Variants in MLLT1 observed in about 807,000 individuals in gnomAD.
MLLT1 encodes MLLT1 super elongation complex subunit.
A neutral mutation model predicts 55.1 loss-of-function variants in MLLT1; 11 were observed. The observed-to-expected ratio is 0.20, with a 90% CI of 0.13 to 0.33. MLLT1 has a LOEUF of 0.33. MLLT1 is among the 10% of genes least tolerant of loss of function. The pLI is 1.00. For missense variants in MLLT1, 536 were observed against 760.6 expected (o/e 0.70, Z 3.47); for synonymous variants, 323 against 320.1 (o/e 1.01, Z -0.10).
rs2091053241 is a variant in MLLT1 at position 6,235,623 on chromosome 19, T to C, written c.277-4910A>G. 6.6e-6 allele frequency among the ~76,000 whole-genome samples: 1 copy of C among 152,098 alleles called. No individual in the cohort carries two copies. The highest frequency in any genetic ancestry group is 1.5e-5 in the Non-Finnish European group (1 of 67,980). ...CACTCCTGGCCACAGCTGTGCACCC[T>C]GGCTGCACAGCGAGTCCAGCCGCTT... On this transcript the variant is annotated intron_variant, in intron 3 of 11. Transcript: ENST00000252674. The surrounding 1 kb of genome is among the most constrained non-coding windows in gnomAD (Gnocchi z 5.5).
chr19:6,275,137 C>T (rs574859666), intron 1 of MLLT1, among the ~76,000 whole-genome samples: 8 of 152,264 alleles, frequency 5.3e-5, no homozygotes, highest in Non-Finnish European at 4.4e-5. Flanking sequence ...TCTTCAACAA[C>T]CAGTTCATCT....
At chr19:6,247,033 C>T (rs998140072) in intron 3 of MLLT1, among the ~76,000 whole-genome samples, 3 of 152,164 alleles carry the variant, frequency 2.0e-5, no homozygotes, top group African/African-American at 7.2e-5. Context: ...GTACAGATAT[C>T]GGGAGCCAGG....
chr19:6,268,589 T>G (rs965443868), intron 2 of MLLT1, among the ~76,000 whole-genome samples: 1 of 152,206 alleles, frequency 6.6e-6, no homozygotes, highest in Non-Finnish European at 1.5e-5. Flanking sequence ...ATCCAGAGGC[T>G]GGAGTGCTCT....
chr19:6,211,507 A>C lies in MLLT1; in HGVS notation c.*1535T>G. Reference sequence around the variant, plus strand: ...GAGCAGGGACAAGATGAGGGACCTCAGGGAGGGACAGATGGAGCCCCCCAA... The same window carrying C: ...GAGCAGGGACAAGATGAGGGACCTCCGGGAGGGACAGATGGAGCCCCCCAA... On this transcript the variant is annotated 3_prime_UTR_variant, in exon 12 of 12. Coordinates refer to ENST00000252674, the MANE Select transcript of MLLT1 (RefSeq NM_005934.4). The surrounding 1 kb of genome is among the most constrained non-coding windows in gnomAD (Gnocchi z 4.6). 1.5e-6 allele frequency: 1 copy of C among 667,354 alleles called. No homozygotes were observed. Among genetic ancestry groups the C allele is most frequent in the Non-Finnish European group, 1.9e-6 (1 of 515,590 alleles). The allele number at this position is 667,354 out of a possible 1,614,324, so 41.3% of individuals were successfully genotyped here.
At position 6,213,414 on chromosome 19, in the gene MLLT1, GA is replaced by G. The variant is rs763317385; in HGVS notation, c.1480-7del. 1,223 of 1,609,936 alleles carry G rather than the reference GA, an allele frequency of 7.6e-4. No homozygotes were observed. The highest frequency in any genetic ancestry group is 9.1e-4 in the Non-Finnish European group (1,071 of 1,179,000). ...ACCAGCTCATCCGTGTAGGCCTGGG[GA>G]GGGGGGGCAGGTCTCAGCAGCGTGT... On this transcript the variant is annotated splice_polypyrimidine_tract_variant and splice_region_variant and intron_variant, in intron 10 of 11. Transcript: ENST00000252674.
intron 3 of MLLT1, among the ~76,000 whole-genome samples, chr19:6,236,750 C>A (rs1015312989): frequency 1.3e-5 from 2 of 152,328 alleles, no homozygotes; most frequent in East Asian, 3.9e-4. Flanking sequence ...GGAAACCAGC[C>A]TCCTGGGAGA....
intron 8 of MLLT1, among the ~76,000 whole-genome samples, chr19:6,215,017 G>A (rs987954054): frequency 3.3e-5 from 5 of 152,170 alleles, no homozygotes; most frequent in South Asian, 2.1e-4. Context: ...TTGCCCAGGC[G>A]ACGCCCCTGC....
intron 7 of MLLT1, 148 bp from the exon 8 acceptor site, chr19:6,216,661 A>C: frequency 1.7e-6 from 1 of 600,060 alleles, no homozygotes; most frequent in Non-Finnish European, 2.9e-6. Context: ...CCCTGTGCCC[A>C]TCTCTAAGAA....
Position 6,278,447 on chromosome 19 carries a change from A to G in MLLT1, c.12+1326T>C, listed in dbSNP as rs1056868470. 1.7e-3 allele frequency among the ~76,000 whole-genome samples: 171 copies of G among 99,642 alleles called. 1 individual carries two copies. Among genetic ancestry groups the G allele is most frequent in the Admixed American group, 3.9e-3 (40 of 10,236 alleles). The allele number at this position is 99,642 out of a possible 152,430, so 65.4% of individuals were successfully genotyped here. On this transcript the variant is annotated intron_variant, in intron 1 of 11. Coordinates refer to ENST00000252674, the MANE Select transcript of MLLT1 (RefSeq NM_005934.4). ...TTTAGGGAGGTTGGGGAACCCACCCACCCACCCTGGGTTTCAACTGAGGCT... is the reference window on the plus strand; with the variant it reads ...TTTAGGGAGGTTGGGGAACCCACCCGCCCACCCTGGGTTTCAACTGAGGCT...
At position 6,219,872 on chromosome 19, in the gene MLLT1, C is replaced by T. The variant is rs180727691; in HGVS notation, c.1111-1831G>A. Among the ~76,000 whole-genome samples the T allele has an allele frequency of 1.1e-4, 16 of 152,352 alleles. No individual in the cohort carries two copies. The highest frequency in any genetic ancestry group is 2.1e-4 in the South Asian group (1 of 4,832). ...GACAGAGGAAAGCCAGTCAGGCACA[C>T]GCATCCCCTTTCCTTCCGCCCAAAT... On this transcript the variant is annotated intron_variant, in intron 6 of 11. Coordinates refer to ENST00000252674, the MANE Select transcript of MLLT1 (RefSeq NM_005934.4). This position sits in a 1 kb window ranked among gnomAD's most constrained non-coding sequence, Gnocchi z 4.5.
Position 6,222,342 on chromosome 19 carries a change from C to T in MLLT1, c.889G>A (p.Ala297Thr), listed in dbSNP as rs11880101. 60,113 of 1,527,036 alleles carry T rather than the reference C, an allele frequency of 0.039. 1,293 individuals are homozygous for T. The highest frequency in any genetic ancestry group is 0.046 in the Non-Finnish European group (52,508 of 1,136,514). The allele number at this position is 1,527,036 out of a possible 1,614,324, so 94.6% of individuals were successfully genotyped here. A position where few individuals can be genotyped will look rare whatever the true frequency, so the allele number is the denominator to read the frequency against. Residue 297 changes from alanine to threonine, a missense_variant, in exon 6 of 12, where the codon GCC (alanine) becomes ACC (threonine). Around this residue, in one of 3 missense-constraint regions of MLLT1, gnomAD observed 449 missense variants for 489.0 expected, o/e 0.92. Coordinates refer to ENST00000252674, the MANE Select transcript of MLLT1 (RefSeq NM_005934.4). This position sits in a 1 kb window ranked among gnomAD's most constrained non-coding sequence, Gnocchi z 4.1. ...PATADSPKPSAKKQKKSSSKG... is the reference protein window; with the variant it reads ...PATADSPKPSTKKQKKSSSKG... ...GAGCTGCTCTTCTTCTGCTTCTTGG[C>T]GCTGGGCTTTGGCGAGTCGGCGGTG...
In MLLT1 at chr19:6,213,403, G is replaced by A; in HGVS notation, c.1485C>T (p.Tyr495=). 6.2e-7 allele frequency: 1 copy of A among 1,611,490 alleles called. No individual in the cohort carries two copies. Among genetic ancestry groups the A allele is most frequent in the Non-Finnish European group, 8.5e-7 (1 of 1,179,888 alleles). ...GGTGTAGCTCCACCAGCTCATCCGT[G>A]TAGGCCTGGGGAGGGGGGGCAGGTC... The part of the protein sequence containing the change: ...ILKKGTYDKA[Y]TDELVELHRR... Residue 495 remains tyrosine, a synonymous_variant, in exon 11 of 12, where the codon TAC becomes TAT. Transcript: ENST00000252674.
intron 3 of MLLT1, among the ~76,000 whole-genome samples, chr19:6,241,502 C>T (rs2091112813): frequency 6.6e-6 from 1 of 152,250 alleles, no homozygotes; most frequent in South Asian, 2.1e-4. Context: ...ATAATGGGCG[C>T]TTTCAATGCC....
At chr19:6,213,681 C>A in intron 10 of MLLT1, 45 bp downstream of exon 10, 1 of 1,132,222 alleles carries the variant, frequency 8.8e-7, no homozygotes, top group South Asian at 1.3e-5. Context: ...CTCCCACCAC[C>A]CACCCCTCCG....
rs1418106533 is a variant in MLLT1 at position 6,229,042 on chromosome 19, G to A, written c.420+1528C>T. 2.0e-5 allele frequency among the ~76,000 whole-genome samples: 3 copies of A among 152,142 alleles called. No individual in the cohort carries two copies. Among genetic ancestry groups the A allele is most frequent in the African/African-American group, 4.8e-5 (2 of 41,410 alleles). On this transcript the variant is annotated intron_variant, in intron 4 of 11. Coordinates refer to ENST00000252674, the MANE Select transcript of MLLT1 (RefSeq NM_005934.4). The surrounding 1 kb of genome is among the most constrained non-coding windows in gnomAD (Gnocchi z 5.2). ...TCATCGCTGTGGAGCAAAGGAAGCCGCCTCCCACAGGGAGCCAGGTCCTGG... is the reference window on the plus strand; with the variant it reads ...TCATCGCTGTGGAGCAAAGGAAGCCACCTCCCACAGGGAGCCAGGTCCTGG...
In MLLT1 at chr19:6,222,819, T is replaced by C. The variant is rs1220759259; in HGVS notation, c.547-135A>G. On this transcript the variant is annotated intron_variant, in intron 5 of 11. Transcript: ENST00000252674. This position sits in a 1 kb window ranked among gnomAD's most constrained non-coding sequence, Gnocchi z 4.1. ...AGCCTCAGCTAGAGAAACTCTTCCA[T>C]AAAGCAAAAAGGTAAGGCAGTAGGT... The C allele has an allele frequency of 6.2e-6, 4 of 643,076 alleles. No individual in the cohort carries two copies. The highest frequency in any genetic ancestry group is 9.5e-6 in the Non-Finnish European group (4 of 420,528). 39.8% of individuals were successfully genotyped at this position (643,076 alleles called of 1,614,324 possible). A position where few individuals can be genotyped will look rare whatever the true frequency, so the allele number is the denominator to read the frequency against.
At chr19:6,243,725 C>A (rs947325150) in intron 3 of MLLT1, among the ~76,000 whole-genome samples, 2 of 152,100 alleles carry the variant, frequency 1.3e-5, no homozygotes, top group African/African-American at 4.8e-5. Flanking sequence ...GAAGGGACCA[C>A]CCCATCCTCT....
rs116421605 is a variant in MLLT1, at chr19:6,236,772, C to T, written c.277-6059G>A. On this transcript the variant is annotated intron_variant, in intron 3 of 11. Transcript: ENST00000252674. ...AGCCTCCTGGGAGATGTTGGGATAGCAGCTCCTTCATGCCCCTGAGGCCTG... is the reference window on the plus strand; with the variant it reads ...AGCCTCCTGGGAGATGTTGGGATAGTAGCTCCTTCATGCCCCTGAGGCCTG... Among the ~76,000 whole-genome samples the T allele has an allele frequency of 3.9e-3, 587 of 152,334 alleles. 4 individuals are homozygous for T. Among genetic ancestry groups the T allele is most frequent in the African/African-American group, 0.014 (565 of 41,580 alleles).
chr19:6,220,817 T>A (rs1030386271), intron 6 of MLLT1, among the ~76,000 whole-genome samples: 2 of 152,104 alleles, frequency 1.3e-5, no homozygotes, highest in African/African-American at 2.4e-5. Context: ...TCAGGCTCGG[T>A]GCCCAGCAGG....
Sources: allele counts gnomAD v4.1 joint callset (sites outside exome capture counted in the v4.1 genomes callset), GRCh38; gene constraint gnomAD v4.1.1; regional missense constraint gnomAD v4.1.1; non-coding constraint Gnocchi (gnomAD v3.1); transcripts MANE v1.5; gene names NCBI Gene and HGNC (gene_info 2026-07-23, HGNC 2026-07-21).